Variants in ZBTB7C observed in about 807,000 individuals in gnomAD.
The protein encoded by ZBTB7C is zinc finger and BTB domain containing 7C, also known as zinc finger and BTB domain-containing protein 7C.
ZBTB7C carries 8 observed loss-of-function variants against 25.7 expected under a neutral mutation model. That is an observed-to-expected ratio of 0.31 (90% confidence interval 0.18 to 0.56). The LOEUF (loss-of-function observed/expected upper bound fraction) is 0.56. ZBTB7C is among the 20% of genes least tolerant of loss of function. ZBTB7C has a pLI of 0.91. For synonymous variants in ZBTB7C, 394 were observed against 369.0 expected, an observed-to-expected ratio of 1.07 and a Z score of -0.78; for missense variants, 824 against 855.2, an observed-to-expected ratio of 0.96 and a Z score of 0.46.
chr18:48,047,335 T>A (rs1306696891), intron 3 of ZBTB7C, among the ~76,000 whole-genome samples: 1 of 148,756 alleles, frequency 6.7e-6, no homozygotes, highest in Non-Finnish European at 1.5e-5. Flanking sequence ...AGGAAAAAAA[T>A]TCCACACACA....
At chr18:48,205,418 T>A (rs929699302) in intron 2 of ZBTB7C, among the ~76,000 whole-genome samples, 6 of 151,714 alleles carry the variant, frequency 4.0e-5, no homozygotes, top group African/African-American at 1.5e-4. Flanking sequence ...CCGAGACAAA[T>A]AAGACTTAAA....
At chr18:48,138,734 A>C (rs1252525844) in intron 3 of ZBTB7C, among the ~76,000 whole-genome samples, 1 of 152,230 alleles carries the variant, frequency 6.6e-6, no homozygotes, top group African/African-American at 2.4e-5. Context: ...GGAACACCCA[A>C]GACAAAGACT....
chr18:48,106,631 A>T (rs1057052843), intron 3 of ZBTB7C, among the ~76,000 whole-genome samples: 4 of 152,158 alleles, frequency 2.6e-5, no homozygotes, highest in South Asian at 4.1e-4. Flanking sequence ...GAGTATCTAC[A>T]AGTGTCAAAA....
At chr18:48,259,267 G>C (rs1355076328) in intron 2 of ZBTB7C, among the ~76,000 whole-genome samples, 1 of 125,880 alleles carries the variant, frequency 7.9e-6, no homozygotes, top group Non-Finnish European at 1.6e-5. Context: ...AATGATTTTT[G>C]ACAAGAGTGT....
intron 3 of ZBTB7C, among the ~76,000 whole-genome samples, chr18:48,060,439 A>AT (rs1446302861): frequency 6.6e-6 from 1 of 151,978 alleles, no homozygotes; most frequent in Non-Finnish European, 1.5e-5. Flanking sequence ...TGACTCAGTG[A>AT]ATCAGCTTTC....
At chr18:48,133,449 G>A (rs546963571) in intron 3 of ZBTB7C, among the ~76,000 whole-genome samples, 302 of 152,316 alleles carry the variant, frequency 2.0e-3, no homozygotes, top group African/African-American at 7.0e-3. Flanking sequence ...AATTTTGAAA[G>A]TCATCCACTG....
intron 1 of ZBTB7C, among the ~76,000 whole-genome samples, chr18:48,367,875 C>T (rs1234623837): frequency 2.0e-5 from 3 of 151,846 alleles, no homozygotes; most frequent in Non-Finnish European, 4.4e-5. Flanking sequence ...CCAACTCCTT[C>T]CAGGAAGGTA....
intron 4 of ZBTB7C, among the ~76,000 whole-genome samples, chr18:48,034,395 C>A (rs1258438182): frequency 6.6e-6 from 1 of 152,070 alleles, no homozygotes; most frequent in Non-Finnish European, 1.5e-5. Context: ...GCCCTGTAAA[C>A]CCTGGCTCCT....
At chr18:48,092,173 G>A (rs545032292) in intron 3 of ZBTB7C, among the ~76,000 whole-genome samples, 1 of 152,328 alleles carries the variant, frequency 6.6e-6, no homozygotes, top group East Asian at 1.9e-4. Context: ...GAAATTACAG[G>A]AGGAGTGCCA....
chr18:48,356,774 A>G (rs1200769152), intron 1 of ZBTB7C, among the ~76,000 whole-genome samples: 1 of 152,216 alleles, frequency 6.6e-6, no homozygotes, highest in Non-Finnish European at 1.5e-5. Context: ...GCCGACGTGC[A>G]TTATCTAACA....
chr18:48,389,368 C>CAA (rs36028137), intron 1 of ZBTB7C, among the ~76,000 whole-genome samples: 2 of 109,228 alleles, frequency 1.8e-5, no homozygotes, highest in African/African-American at 6.7e-5. Flanking sequence ...AAAGATAGAC[C>CAA]AAAAAAAAAA....
chr18:48,112,260 CTTT>C (rs1048802422), intron 3 of ZBTB7C, among the ~76,000 whole-genome samples: 6,890 of 119,886 alleles, frequency 0.057, 496 homozygotes, highest in African/African-American at 0.2. Context: ...TAATTTTTTT[CTTT>C]TTTTTTTTTT....
intron 2 of ZBTB7C, among the ~76,000 whole-genome samples, chr18:48,296,704 C>T (rs991479278): frequency 4.6e-5 from 7 of 152,126 alleles, no homozygotes; most frequent in Admixed American, 4.6e-4. Flanking sequence ...GTCCCCAGTC[C>T]CCGGGGCCAC....
chr18:48,319,048 C>T (rs1441316958), intron 2 of ZBTB7C, among the ~76,000 whole-genome samples: 2 of 152,054 alleles, frequency 1.3e-5, no homozygotes, highest in African/African-American at 2.4e-5. Flanking sequence ...AGAGTAAGGT[C>T]GCTTTCTCCT....
intron 3 of ZBTB7C, among the ~76,000 whole-genome samples, chr18:48,098,074 C>T (rs2038702859): frequency 6.6e-6 from 1 of 152,100 alleles, no homozygotes; most frequent in Non-Finnish European, 1.5e-5. Context: ...AACAAAGAAA[C>T]AAAACCCCCA....
chr18:48,146,741 A>G (rs968756981), intron 3 of ZBTB7C, among the ~76,000 whole-genome samples: 1 of 152,240 alleles, frequency 6.6e-6, no homozygotes, highest in African/African-American at 2.4e-5. Context: ...TGTTATTTGT[A>G]TATTTCAGAA....
At chr18:48,216,017 G>A (rs1011527275) in intron 2 of ZBTB7C, among the ~76,000 whole-genome samples, 1 of 152,200 alleles carries the variant, frequency 6.6e-6, no homozygotes, top group African/African-American at 2.4e-5. Context: ...GGTCAGTCGT[G>A]CCTGAATTCC....
chr18:48,052,821 T>G (rs1478695189), intron 3 of ZBTB7C, among the ~76,000 whole-genome samples: 1 of 152,200 alleles, frequency 6.6e-6, no homozygotes, highest in African/African-American at 2.4e-5. Context: ...GAATGTCCCT[T>G]GCTGCCCACA....
chr18:48,324,435 T>C (rs2046169673), intron 2 of ZBTB7C, among the ~76,000 whole-genome samples: 1 of 151,850 alleles, frequency 6.6e-6, no homozygotes, highest in Non-Finnish European at 1.5e-5. Flanking sequence ...GATTAGGAAT[T>C]AAACATCTAT....
Sources: gnomAD v4.1 joint callset for allele counts (sites outside exome capture counted in the v4.1 genomes callset) on GRCh38, gnomAD v4.1.1 for gene constraint, MANE v1.5 for transcripts, NCBI Gene and HGNC (gene_info 2026-07-23, HGNC 2026-07-21) for gene names.